Variants in FHIT observed in about 807,000 individuals in gnomAD.
The protein encoded by FHIT is fragile histidine triad diadenosine triphosphatase.
Under a neutral mutation model 17.9 loss-of-function variants are expected in FHIT, and 19 were observed. That is an observed-to-expected ratio of 1.06 (90% CI 0.74 to 1.56). The LOEUF is 1.56. Among genes scored for constraint, FHIT ranks in the 40% most tolerant of loss-of-function variants. The pLI, the probability that FHIT is intolerant of heterozygous loss-of-function variation, is 0.00. For missense variants in FHIT, 248 were observed against 189.2 expected (o/e 1.31, Z -1.82); for synonymous variants, 81 against 69.7 (o/e 1.16, Z -0.81).
chr3:60,665,608 T>C (rs2040363006), intron 4 of FHIT, among the ~76,000 whole-genome samples: 2 of 152,046 alleles, frequency 1.3e-5, no homozygotes, highest in Non-Finnish European at 2.9e-5. Context: ...TTTTTAAAAA[T>C]TAATATTTGT....
At chr3:60,138,022 G>A (rs1441792392) in intron 5 of FHIT, among the ~76,000 whole-genome samples, 1 of 152,136 alleles carries the variant, frequency 6.6e-6, no homozygotes, top group Non-Finnish European at 1.5e-5. Context: ...CTAGTTTGAT[G>A]TTCTTAACCT....
chr3:59,774,399 A>C (rs1320855240), intron 8 of FHIT, among the ~76,000 whole-genome samples: 1 of 152,240 alleles, frequency 6.6e-6, no homozygotes, highest in Non-Finnish European at 1.5e-5. Flanking sequence ...CGATTGACTT[A>C]AAATCACGTC....
intron 4 of FHIT, among the ~76,000 whole-genome samples, chr3:60,807,155 T>G (rs1701422377): frequency 6.6e-6 from 1 of 152,340 alleles, no homozygotes; most frequent in Non-Finnish European, 1.5e-5. Context: ...ATTAACTATT[T>G]TATTCATCTA....
At chr3:59,949,097 A>C (rs796443988) in intron 7 of FHIT, among the ~76,000 whole-genome samples, 4 of 152,260 alleles carry the variant, frequency 2.6e-5, no homozygotes, top group African/African-American at 7.2e-5. Context: ...CTTTATGTCC[A>C]TGAGTACCTG....
chr3:59,818,299 G>T (rs900231304), intron 8 of FHIT, among the ~76,000 whole-genome samples: 1 of 152,070 alleles, frequency 6.6e-6, no homozygotes, highest in Non-Finnish European at 1.5e-5. Context: ...AGCTTGTTCA[G>T]CCTCCCCGAG....
chr3:60,237,020 G>A (rs1164858461), intron 5 of FHIT, among the ~76,000 whole-genome samples: 1 of 152,060 alleles, frequency 6.6e-6, no homozygotes, highest in East Asian at 1.9e-4. Flanking sequence ...TTAAGTACTA[G>A]CATTCCACAC....
intron 4 of FHIT, among the ~76,000 whole-genome samples, chr3:60,556,687 G>A (rs867380730): frequency 6.6e-6 from 1 of 152,226 alleles, no homozygotes; most frequent in Non-Finnish European, 1.5e-5. Flanking sequence ...GGCAAAATGA[G>A]GGCCTGGGGT....
chr3:60,808,807 G>T (rs1701480924), intron 4 of FHIT, among the ~76,000 whole-genome samples: 1 of 152,104 alleles, frequency 6.6e-6, no homozygotes, highest in South Asian at 2.1e-4. Context: ...TTCTTAGAAG[G>T]TCAGATGAAA....
At chr3:59,908,219 T>C (rs11707031) in intron 8 of FHIT, among the ~76,000 whole-genome samples, 50,336 of 152,184 alleles carry the variant, frequency 0.33, 9,522 homozygotes, top group Non-Finnish European at 0.44. Context: ...TAAGAGTAGA[T>C]TGAATGTGCA....
chr3:60,322,835 G>A (rs753039555), intron 5 of FHIT, among the ~76,000 whole-genome samples: 5 of 152,070 alleles, frequency 3.3e-5, no homozygotes, highest in African/African-American at 1.2e-4. Flanking sequence ...AAACTGCGAC[G>A]ACTATAAAAG....
At chr3:60,548,130 CGAGAGAGAGAGAGCGAGAGA>C (rs1456485171) in intron 4 of FHIT, among the ~76,000 whole-genome samples, 6 of 16,350 alleles carry the variant, frequency 3.7e-4, no homozygotes, top group African/African-American at 1.0e-3. Context: ...AAAAGGAGCA[CGAGAGAGAGAGAGCGAGAGA>C]GAGAGAGAGA....
chr3:61,156,787 T>C (rs977105050), intron 2 of FHIT, among the ~76,000 whole-genome samples: 1 of 152,224 alleles, frequency 6.6e-6, no homozygotes, highest in Non-Finnish European at 1.5e-5. Flanking sequence ...CTTCACCTTT[T>C]AGGTGAGACA....
At chr3:60,063,178 G>A (rs537304220) in intron 5 of FHIT, among the ~76,000 whole-genome samples, 22 of 152,284 alleles carry the variant, frequency 1.4e-4, no homozygotes, top group African/African-American at 3.6e-4. Context: ...AACTTCTCAT[G>A]AACTGTGGAA....
intron 1 of FHIT, among the ~76,000 whole-genome samples, chr3:61,238,849 T>C (rs949483703): frequency 4.4e-4 from 67 of 152,216 alleles, no homozygotes; most frequent in African/African-American, 1.6e-3. Context: ...GCTAGGGCTT[T>C]GTTCTTGATT....
At chr3:60,424,799 A>G (rs1332810247) in intron 5 of FHIT, among the ~76,000 whole-genome samples, 1 of 152,142 alleles carries the variant, frequency 6.6e-6, no homozygotes, top group Non-Finnish European at 1.5e-5. Flanking sequence ...AATGCTATAA[A>G]ATCCAACCCC....
chr3:60,398,144 G>A (rs1268652975), intron 5 of FHIT, among the ~76,000 whole-genome samples: 1 of 152,022 alleles, frequency 6.6e-6, no homozygotes. Flanking sequence ...GAACTAAGGA[G>A]CAAAAAACCC....
intron 2 of FHIT, among the ~76,000 whole-genome samples, chr3:61,055,337 T>C (rs770081951): frequency 1.1e-4 from 16 of 152,144 alleles, no homozygotes; most frequent in Admixed American, 6.6e-4. Flanking sequence ...ACAGTGCTCA[T>C]TGTAGCCACA....
chr3:59,910,476 C>T (rs576885757), intron 8 of FHIT, among the ~76,000 whole-genome samples: 8 of 152,104 alleles, frequency 5.3e-5, no homozygotes, highest in East Asian at 1.9e-4. Flanking sequence ...ACATTTCCCC[C>T]CCTTCTCTTT....
At chr3:60,705,823 C>G (rs1179969617) in intron 4 of FHIT, among the ~76,000 whole-genome samples, 2 of 152,194 alleles carry the variant, frequency 1.3e-5, no homozygotes, top group Admixed American at 1.3e-4. Context: ...CCTCCACACA[C>G]CATCCCAGCA....
Sources: allele counts gnomAD v4.1 joint callset (sites outside exome capture counted in the v4.1 genomes callset), GRCh38; gene constraint gnomAD v4.1.1; transcripts MANE v1.5; gene names NCBI Gene and HGNC (gene_info 2026-07-23, HGNC 2026-07-21).